The following KIF26B variants were observed in gnomAD, a reference collection of about 807,000 sequenced individuals.
KIF26B encodes the protein kinesin-like protein KIF26B.
Under a neutral mutation model 151.2 loss-of-function variants are expected in KIF26B, and 63 were observed. The observed-to-expected ratio is 0.42, with a 90% CI of 0.34 to 0.51. The LOEUF is 0.51. Among genes scored for constraint, KIF26B ranks in the 20% least tolerant of loss-of-function variants. The pLI is 0.07. For missense variants in KIF26B, 2,813 were observed against 2,913.6 expected (o/e 0.97, Z 0.79); for synonymous variants, 1,357 against 1,262.1 (o/e 1.08, Z -1.59).
At chr1:245,543,401 A>G (rs543803473) in intron 5 of KIF26B, among the ~76,000 whole-genome samples, 1 of 152,236 alleles carries the variant, frequency 6.6e-6, no homozygotes, top group Non-Finnish European at 1.5e-5. Flanking sequence ...CACTTTTTTA[A>G]AAAAATTAAA....
chr1:245,459,636 G>C (rs1388917022), intron 4 of KIF26B, among the ~76,000 whole-genome samples: 1 of 152,204 alleles, frequency 6.6e-6, no homozygotes, highest in Non-Finnish European at 1.5e-5. Context: ...TATGACCGAG[G>C]TGTGAAGAAT....
intron 5 of KIF26B, among the ~76,000 whole-genome samples, chr1:245,553,700 C>T (rs1661949884): frequency 6.6e-6 from 1 of 152,098 alleles, no homozygotes; most frequent in Non-Finnish European, 1.5e-5. Flanking sequence ...TCCTTTAGCC[C>T]TACTCCGGAA....
At chr1:245,678,603 C>T (rs529932993) in intron 10 of KIF26B, among the ~76,000 whole-genome samples, 12 of 152,116 alleles carry the variant, frequency 7.9e-5, no homozygotes, top group Non-Finnish European at 1.0e-4. Flanking sequence ...GTGGCTCACG[C>T]CTGTAATCCC....
At chr1:245,164,800 C>CGGTG (rs1244967014) in intron 2 of KIF26B, among the ~76,000 whole-genome samples, 4 of 152,150 alleles carry the variant, frequency 2.6e-5, no homozygotes, top group African/African-American at 9.6e-5. Flanking sequence ...TGGCCAGGCA[C>CGGTG]GGTGGCTCAC....
At chr1:245,328,496 A>ATG (rs1305577799) in intron 2 of KIF26B, among the ~76,000 whole-genome samples, 1 of 152,182 alleles carries the variant, frequency 6.6e-6, no homozygotes, top group African/African-American at 2.4e-5. Flanking sequence ...GCTAAACTGA[A>ATG]TGCCTGTGTA....
In KIF26B at chr1:245,686,572, A is replaced by G; in HGVS notation, c.3589A>G (p.Thr1197Ala). 1 of 1,612,748 alleles carries G rather than the reference A, an allele frequency of 6.2e-7. No individual in the cohort carries two copies. The highest frequency in any genetic ancestry group is 8.5e-7 in the Non-Finnish European group (1 of 1,179,660). The change falls in exon 12 of 15, where the codon ACC becomes GCC. Residue 1197 changes from threonine to alanine, a missense_variant. Physicochemically the swap from Thr to Ala is moderately conservative, Grantham distance 58. Transcript: ENST00000407071. The surrounding 1 kb of genome is among the most constrained non-coding windows in gnomAD (Gnocchi z 5.6). ...ELVFTLVEEL[T>A]ISGVLDSGRP... Reference sequence around the variant, plus strand: ...GGTGTTCACGCTGGTGGAGGAGCTGACCATCAGCGGGGTCCTGGACAGCGG... The same window carrying G: ...GGTGTTCACGCTGGTGGAGGAGCTGGCCATCAGCGGGGTCCTGGACAGCGG...
chr1:245,503,904 G>A (rs1167079785), intron 4 of KIF26B, among the ~76,000 whole-genome samples: 4 of 152,198 alleles, frequency 2.6e-5, no homozygotes, highest in Admixed American at 6.5e-5. Context: ...TTTCCCAGGC[G>A]TTGGTCAGAG....
intron 5 of KIF26B, among the ~76,000 whole-genome samples, chr1:245,547,277 C>T (rs1661766493): frequency 6.6e-6 from 1 of 152,106 alleles, no homozygotes; most frequent in Admixed American, 6.5e-5. Flanking sequence ...GAAAGTCATC[C>T]CAAGGACGTG....
rs922887944 is a variant in KIF26B at position 245,709,298 on chromosome 1, A to G, written c.*6692A>G. ...TCCATTAAGCTGTGTGGCATTTTCC[A>G]GTGTAAAGACATTGTTTGCTGGCTA... On this transcript the variant is annotated 3_prime_UTR_variant, in exon 15 of 15. Coordinates refer to ENST00000407071, the MANE Select transcript of KIF26B (RefSeq NM_018012.4). 2 of 152,212 alleles carry G rather than the reference A, an allele frequency of 1.3e-5. 1 individual carries two copies. The highest frequency in any genetic ancestry group is 1.3e-4 in the Admixed American group (2 of 15,284). The allele number at this position is 152,212 out of a possible 1,614,324, so 9.4% of individuals were successfully genotyped here. A position where few individuals can be genotyped will look rare whatever the true frequency, so the allele number is the denominator to read the frequency against.
Position 245,349,928 on chromosome 1 carries a change from A to G in KIF26B, c.466-16906A>G, listed in dbSNP as rs183939097. ...AAAAATCAGTAAGGAATTGCACCTAAAACCCATTTACAAGATCATACTCCC... is the reference window on the plus strand; with the variant it reads ...AAAAATCAGTAAGGAATTGCACCTAGAACCCATTTACAAGATCATACTCCC... On this transcript the variant is annotated intron_variant, in intron 2 of 14. Transcript: ENST00000407071. 1.1e-4 allele frequency among the ~76,000 whole-genome samples: 17 copies of G among 152,272 alleles called. No homozygotes were observed. In the East Asian group the frequency reaches 3.3e-3, roughly 29 times the overall value.
At chr1:245,335,949 C>T (rs1447286038) in intron 2 of KIF26B, among the ~76,000 whole-genome samples, 14 of 131,768 alleles carry the variant, frequency 1.1e-4, no homozygotes, top group Admixed American at 1.5e-4. Flanking sequence ...GAGGGTCCCA[C>T]GCAGGGAAAG....
chr1:245,556,999 T>C (rs1380647823), intron 5 of KIF26B, among the ~76,000 whole-genome samples: 2 of 152,182 alleles, frequency 1.3e-5, no homozygotes, highest in Admixed American at 1.3e-4. Context: ...TGTAACACAC[T>C]GGGAGTGGGG....
intron 1 of KIF26B, among the ~76,000 whole-genome samples, chr1:245,155,697 C>G (rs1369413670): frequency 6.6e-6 from 1 of 152,256 alleles, no homozygotes; most frequent in Non-Finnish European, 1.5e-5. Context: ...TCAGCCCTCT[C>G]GTTCCTTCCT....
intron 4 of KIF26B, among the ~76,000 whole-genome samples, chr1:245,490,823 G>A (rs1660394025): frequency 1.3e-5 from 2 of 152,082 alleles, no homozygotes; most frequent in South Asian, 2.1e-4. Context: ...ACCTGAGAAC[G>A]GTTCTCTGTT....
Position 245,699,045 on chromosome 1 carries a change from C to T in KIF26B, c.6178+8C>T, listed in dbSNP as rs372984966. The T allele has an allele frequency of 1.9e-5, 31 of 1,612,032 alleles. No individual in the cohort carries two copies. The highest frequency in any genetic ancestry group is 3.3e-5 in the Admixed American group (2 of 59,910). ...ACAAGTGGCTCAGTGAATGTAAGGC[C>T]GGGGTGCCTTCCCACCCTTGTGACT... On this transcript the variant is annotated splice_region_variant and intron_variant, in intron 14 of 14. Coordinates refer to ENST00000407071, the MANE Select transcript of KIF26B (RefSeq NM_018012.4).
At chr1:245,280,241 C>T (rs1212589093) in intron 2 of KIF26B, among the ~76,000 whole-genome samples, 10 of 151,536 alleles carry the variant, frequency 6.6e-5, no homozygotes, top group Admixed American at 2.0e-4. Flanking sequence ...TGGCCGGGTG[C>T]GGTGGCTCAC....
Position 245,500,237 on chromosome 1 carries a change from G to A in KIF26B, c.1167-40530G>A, listed in dbSNP as rs572384280. ...TCATCAGGGCACTGACCTCATTCCT[G>A]TAAGCTTGACTGGCTGAGCCCTGGG... On this transcript the variant is annotated intron_variant, in intron 4 of 14. Transcript: ENST00000407071. 3.9e-5 allele frequency among the ~76,000 whole-genome samples: 6 copies of A among 152,314 alleles called. No homozygotes were observed. In the South Asian group the frequency reaches 1.2e-3, roughly 32 times the overall value.
rs1444422984 is a variant in KIF26B, at chr1:245,601,690, T to C, written c.1351-887T>C. 6.6e-6 allele frequency among the ~76,000 whole-genome samples: 1 copy of C among 152,216 alleles called. No homozygotes were observed. Among genetic ancestry groups the C allele is most frequent in the Non-Finnish European group, 1.5e-5 (1 of 68,036 alleles). ...GCTCAAAAAAAGTGCCCATCATTTG[T>C]TGGACTGAACTCACAACACAGTAAC... is the stretch of plus-strand genomic sequence containing the variant. On this transcript the variant is annotated intron_variant, in intron 5 of 14. Coordinates refer to ENST00000407071, the MANE Select transcript of KIF26B (RefSeq NM_018012.4). This position sits in a 1 kb window ranked among gnomAD's most constrained non-coding sequence, Gnocchi z 4.4.
intron 5 of KIF26B, among the ~76,000 whole-genome samples, chr1:245,590,629 C>T (rs749234604): frequency 5.3e-5 from 8 of 151,992 alleles, no homozygotes; most frequent in African/African-American, 7.3e-5. Context: ...GCGTCCAGGC[C>T]GGGCACGGTG....
Sources: gnomAD v4.1 joint callset for allele counts (sites outside exome capture counted in the v4.1 genomes callset) on GRCh38, gnomAD v4.1.1 for gene constraint, Gnocchi (gnomAD v3.1) non-coding constraint, MANE v1.5 for transcripts, NCBI Gene and HGNC (gene_info 2026-07-23, HGNC 2026-07-21) for gene names.